DLG2: variants seen among roughly 807,000 people sequenced by gnomAD.
DLG2 encodes discs large MAGUK scaffold protein 2.
DLG2 carries 45 observed loss-of-function variants against 132.5 expected under a neutral mutation model. The ratio of observed to expected loss-of-function variants is 0.34; its 90% CI spans 0.27 to 0.44. The LOEUF (loss-of-function observed/expected upper bound fraction) is 0.44, where lower values mean the gene tolerates loss of function less well. DLG2 is among the 20% of genes least tolerant of loss of function. DLG2 has a pLI of 1.00. For synonymous variants in DLG2, 424 were observed against 419.6 expected (o/e 1.01, Z -0.13); for missense variants, 1,045 against 1,196.9 (o/e 0.87, Z 1.87).
intron 7 of DLG2, among the ~76,000 whole-genome samples, chr11:84,365,401 C>CTT (rs1323557239): frequency 2.0e-5 from 3 of 150,662 alleles, no homozygotes; most frequent in South Asian, 2.1e-4. Context: ...ATTCTTCTCT[C>CTT]TTTTTTTTTA....
chr11:83,797,347 C>T (rs1170335862), intron 17 of DLG2, among the ~76,000 whole-genome samples: 2 of 152,098 alleles, frequency 1.3e-5, no homozygotes, highest in Non-Finnish European at 2.9e-5. Context: ...CCTTAGCCCT[C>T]ATAACAACTG....
intron 3 of DLG2, among the ~76,000 whole-genome samples, chr11:85,366,869 T>G (rs1446200038): frequency 6.6e-6 from 1 of 152,150 alleles, no homozygotes. Flanking sequence ...TTTCACTTTT[T>G]AAGTCAACCA....
At chr11:84,081,361 A>C (rs557789616) in intron 10 of DLG2, among the ~76,000 whole-genome samples, 1 of 152,328 alleles carries the variant, frequency 6.6e-6, no homozygotes, top group South Asian at 2.1e-4. Context: ...AGCTGGTTTT[A>C]ATTAATAAAC....
intron 3 of DLG2, among the ~76,000 whole-genome samples, chr11:85,338,302 T>TA (rs1446574920): frequency 6.6e-6 from 1 of 152,136 alleles, no homozygotes; most frequent in Non-Finnish European, 1.5e-5. Context: ...CACAATAAAT[T>TA]AAAAGGGAAT....
intron 18 of DLG2, among the ~76,000 whole-genome samples, chr11:83,773,546 G>C (rs1000214087): frequency 6.6e-6 from 1 of 152,142 alleles, no homozygotes; most frequent in Non-Finnish European, 1.5e-5. Context: ...TAGTTAACCT[G>C]GTCAGCAGGA....
intron 18 of DLG2, among the ~76,000 whole-genome samples, chr11:83,758,738 ATAAT>A (rs1179841263): frequency 6.6e-6 from 1 of 152,206 alleles, no homozygotes. Context: ...TAACTTAAAA[ATAAT>A]TAAATACCAC....
At chr11:84,881,881 C>T (rs1005068684) in intron 6 of DLG2, among the ~76,000 whole-genome samples, 2 of 152,068 alleles carry the variant, frequency 1.3e-5, no homozygotes, top group African/African-American at 2.4e-5. Context: ...ACTAGGTTAG[C>T]CCCAAATGCT....
rs1259240227 is a variant in DLG2 at position 83,850,155 on chromosome 11, TG to T, written c.1566-16386del. On this transcript the variant is annotated intron_variant, in intron 16 of 27. Coordinates refer to ENST00000376104, the MANE Select transcript of DLG2 (RefSeq NM_001142699.3). ...GTGTGTGTGTGTGTGTGTGTGTGTG[TG>T]TGTGTTTTTTTACTTGAGACGGAGT... 1.9e-3 allele frequency among the ~76,000 whole-genome samples: 245 copies of T among 132,040 alleles called. 1 individual carries two copies. Among genetic ancestry groups the T allele is most frequent in the African/African-American group, 7.8e-3 (223 of 28,632 alleles). The allele number at this position is 132,040 out of a possible 152,430, so 86.6% of individuals were successfully genotyped here.
intron 6 of DLG2, among the ~76,000 whole-genome samples, chr11:84,637,213 C>A (rs1223928414): frequency 1.3e-5 from 2 of 152,096 alleles, no homozygotes; most frequent in African/African-American, 4.8e-5. Context: ...CAGATAAGGC[C>A]ACCTCGAGAA....
intron 10 of DLG2, among the ~76,000 whole-genome samples, chr11:84,071,198 C>T (rs1259173133): frequency 6.6e-6 from 1 of 152,156 alleles, no homozygotes; most frequent in East Asian, 1.9e-4. Context: ...GCTCAAGCTG[C>T]CTCCTACCTC....
At chr11:85,525,125 A>T (rs2074649114) in intron 3 of DLG2, 1 of 152,202 alleles carries the variant, frequency 6.6e-6, no homozygotes, top group Admixed American at 6.5e-5. Context: ...AATTTTACCT[A>T]AAAAATAGTT....
At chr11:85,049,147 C>T (rs1266743464) in intron 6 of DLG2, among the ~76,000 whole-genome samples, 2 of 151,912 alleles carry the variant, frequency 1.3e-5, no homozygotes, top group African/African-American at 2.4e-5. Flanking sequence ...AAACTCAGCA[C>T]GTATGTCAAA....
intron 6 of DLG2, among the ~76,000 whole-genome samples, chr11:84,926,909 A>C (rs931834111): frequency 2.0e-5 from 3 of 152,042 alleles, no homozygotes; most frequent in Admixed American, 1.3e-4. Context: ...GAATGTGAAC[A>C]TCTCCCAGTA....
intron 7 of DLG2, among the ~76,000 whole-genome samples, chr11:84,470,849 G>A (rs939353523): frequency 1.3e-5 from 2 of 151,874 alleles, no homozygotes; most frequent in Admixed American, 6.6e-5. Flanking sequence ...TGTAAGTACT[G>A]GGCAAAGTTT....
intron 19 of DLG2, among the ~76,000 whole-genome samples, chr11:83,627,272 A>G (rs1041656538): frequency 3.0e-4 from 45 of 151,962 alleles, no homozygotes; most frequent in African/African-American, 1.1e-3. Context: ...TTTGTTACAT[A>G]TGTATACATG....
chr11:85,506,429 T>C (rs1482112068), intron 3 of DLG2, among the ~76,000 whole-genome samples: 3 of 152,232 alleles, frequency 2.0e-5, no homozygotes, highest in Non-Finnish European at 4.4e-5. Context: ...TTGTTCTCAT[T>C]GGTTTCAAAG....
chr11:84,749,937 A>G (rs553286885), intron 6 of DLG2, among the ~76,000 whole-genome samples: 1 of 152,280 alleles, frequency 6.6e-6, no homozygotes, highest in South Asian at 2.1e-4. Flanking sequence ...CACCTGCTAT[A>G]TCCAAAATAC....
At chr11:84,916,084 G>A (rs1361257715) in intron 6 of DLG2, among the ~76,000 whole-genome samples, 1 of 152,010 alleles carries the variant, frequency 6.6e-6, no homozygotes, top group Non-Finnish European at 1.5e-5. Context: ...GGTGGCTCAC[G>A]CCTGTAATCC....
chr11:84,098,866 G>A lies in DLG2; in HGVS notation c.749+57C>T. On this transcript the variant is annotated intron_variant, in intron 10 of 27. Coordinates refer to ENST00000376104, the MANE Select transcript of DLG2 (RefSeq NM_001142699.3). ...TATTATTCTTCAAAGGTACAAATGTGTCTCATTGATGCAGCAGATTTACTT... is the reference window on the plus strand; with the variant it reads ...TATTATTCTTCAAAGGTACAAATGTATCTCATTGATGCAGCAGATTTACTT... 3.2e-6 allele frequency: 5 copies of A among 1,576,156 alleles called. No individual in the cohort carries two copies. In the South Asian group the frequency reaches 4.5e-5, roughly 14 times the overall value.
Sources: allele counts gnomAD v4.1 joint callset (sites outside exome capture counted in the v4.1 genomes callset), GRCh38; gene constraint gnomAD v4.1.1; transcripts MANE v1.5; gene names NCBI Gene and HGNC (gene_info 2026-07-23, HGNC 2026-07-21).